RBFOX1: variants seen among roughly 807,000 people sequenced by gnomAD.
RBFOX1 encodes RNA binding protein fox-1 homolog 1.
RBFOX1 carries 8 observed loss-of-function variants against 57.7 expected under a neutral mutation model. That is an observed-to-expected ratio of 0.14 (90% CI 0.08 to 0.25). The LOEUF is 0.25. Among genes scored for constraint, RBFOX1 ranks in the 10% least tolerant of loss-of-function variants. RBFOX1 has a pLI of 1.00. For missense variants in RBFOX1, 611 were observed against 548.5 expected, an observed-to-expected ratio of 1.11 and a Z score of -1.14; for synonymous variants, 326 against 222.4, an observed-to-expected ratio of 1.47 and a Z score of -4.15.
chr16:6,947,296 C>T (rs1200777923), intron 3 of RBFOX1, among the ~76,000 whole-genome samples: 1 of 152,134 alleles, frequency 6.6e-6, no homozygotes, highest in African/African-American at 2.4e-5. Flanking sequence ...TAAGGTCACC[C>T]TTCCCACAGG....
At chr16:7,653,267 G>A (rs987415985) in intron 11 of RBFOX1, among the ~76,000 whole-genome samples, 1 of 152,080 alleles carries the variant, frequency 6.6e-6, no homozygotes, top group Non-Finnish European at 1.5e-5. Context: ...TTGGGAGGTG[G>A]AGACAGGAGG....
At position 6,164,683 on chromosome 16, in the gene RBFOX1, G is replaced by C. The variant is rs547826544; in HGVS notation, c.-127+144691G>C. Among the ~76,000 whole-genome samples, 5 of 151,738 alleles carry C rather than the reference G, an allele frequency of 3.3e-5. No homozygotes were observed. The East Asian group carries it at 9.7e-4, about 29-fold the overall frequency. ...TAGTAGAAATGGAGTTTTGCTATTT[G>C]GCCGGGCTGGTCTCGAATTTCTGAC... On this transcript the variant is annotated intron_variant, in intron 1 of 15. Coordinates refer to ENST00000550418, the MANE Select transcript of RBFOX1 (RefSeq NM_018723.4).
At chr16:5,948,401 C>A (rs2059448588) in intron 4 of RBFOX1, among the ~76,000 whole-genome samples, 1 of 152,118 alleles carries the variant, frequency 6.6e-6, no homozygotes, top group Non-Finnish European at 1.5e-5. Flanking sequence ...TCAGGCCCAC[C>A]ATAGATTGGG....
intron 1 of RBFOX1, among the ~76,000 whole-genome samples, chr16:6,275,788 T>A (rs1049436489): frequency 6.6e-6 from 1 of 152,216 alleles, no homozygotes; most frequent in African/African-American, 2.4e-5. Flanking sequence ...TTATTTTGTC[T>A]GCCAATTAGT....
At chr16:7,220,180 C>T (rs932778308) in intron 4 of RBFOX1, among the ~76,000 whole-genome samples, 39 of 152,206 alleles carry the variant, frequency 2.6e-4, no homozygotes, top group Admixed American at 1.2e-3. Flanking sequence ...GACAAAAGTG[C>T]AGGAGGAAAA....
intron 3 of RBFOX1, among the ~76,000 whole-genome samples, chr16:6,992,471 C>G (rs918571868): frequency 6.6e-6 from 1 of 152,092 alleles, no homozygotes; most frequent in Non-Finnish European, 1.5e-5. Context: ...GCCTTGGCCT[C>G]CCAAAGTGCT....
At chr16:6,277,509 C>T (rs797001521) in intron 1 of RBFOX1, among the ~76,000 whole-genome samples, 2 of 145,344 alleles carry the variant, frequency 1.4e-5, no homozygotes, top group African/African-American at 5.2e-5. Context: ...CAGAGGCTCA[C>T]ACCTTTTATC....
At chr16:7,369,314 C>G (rs1307475286) in intron 4 of RBFOX1, among the ~76,000 whole-genome samples, 4 of 152,140 alleles carry the variant, frequency 2.6e-5, no homozygotes, top group Non-Finnish European at 4.4e-5. Context: ...CCTGTTGTTG[C>G]ATGCTTCATC....
At chr16:6,222,862 C>A (rs1460029575) in intron 1 of RBFOX1, among the ~76,000 whole-genome samples, 1 of 151,974 alleles carries the variant, frequency 6.6e-6, no homozygotes, top group Non-Finnish European at 1.5e-5. Context: ...TACCCCCACC[C>A]CACAACAGTC....
At chr16:6,523,557 T>A (rs1021980180) in intron 2 of RBFOX1, among the ~76,000 whole-genome samples, 1 of 152,202 alleles carries the variant, frequency 6.6e-6, no homozygotes, top group African/African-American at 2.4e-5. Context: ...CTACTTACCC[T>A]TTTTTGACCT....
chr16:5,259,860 G>A (rs2062689678), intron 1 of RBFOX1, among the ~76,000 whole-genome samples: 1 of 152,116 alleles, frequency 6.6e-6, no homozygotes, highest in Admixed American at 6.5e-5. Flanking sequence ...CCACGTGGGG[G>A]CCATTCTGAC....
At chr16:5,686,591 G>T (rs1013632048) in intron 3 of RBFOX1, among the ~76,000 whole-genome samples, 2 of 151,866 alleles carry the variant, frequency 1.3e-5, no homozygotes, top group African/African-American at 4.8e-5. Context: ...TAAGATATTT[G>T]GTCTGGTGTT....
chr16:5,739,100 C>G (rs1482117778), intron 3 of RBFOX1, among the ~76,000 whole-genome samples: 1 of 152,196 alleles, frequency 6.6e-6, no homozygotes, highest in Non-Finnish European at 1.5e-5. Flanking sequence ...TATTGTCCTT[C>G]TTGGTTTAAG....
chr16:5,463,834 C>G lies in RBFOX1; in HGVS notation c.220-3382C>G, dbSNP rs187515749. On this transcript the variant is annotated intron_variant, in intron 1 of 2. Transcript: ENST00000585867. Reference sequence around the variant, plus strand: ...AAAAGAAATAATAAAAAAAAATCCACTTCATGGCAACAGCAAGATTACAAC... The same window carrying G: ...AAAAGAAATAATAAAAAAAAATCCAGTTCATGGCAACAGCAAGATTACAAC... Among the ~76,000 whole-genome samples, 275 of 151,654 alleles carry G rather than the reference C, an allele frequency of 1.8e-3. 1 individual carries two copies. Among genetic ancestry groups the G allele is most frequent in the Middle Eastern group, 6.8e-3 (2 of 292 alleles).
chr16:6,176,573 G>T (rs1238225267), intron 1 of RBFOX1, among the ~76,000 whole-genome samples: 9 of 152,046 alleles, frequency 5.9e-5, no homozygotes, highest in Non-Finnish European at 1.0e-4. Context: ...ATGATACCAT[G>T]TTTGCATCCC....
At chr16:6,681,371 C>G (rs1430706145) in intron 3 of RBFOX1, among the ~76,000 whole-genome samples, 3 of 152,160 alleles carry the variant, frequency 2.0e-5, no homozygotes, top group African/African-American at 4.8e-5. Flanking sequence ...TCTTTGCTAC[C>G]TTGGTTAAAA....
intron 14 of RBFOX1, among the ~76,000 whole-genome samples, chr16:7,677,132 T>TACACACACACACACACAGACACAC (rs2073535745): frequency 7.3e-6 from 1 of 137,862 alleles, no homozygotes; most frequent in Non-Finnish European, 1.6e-5. Context: ...CACATACACA[T>TACACACACACACACACAGACACAC]ACACACACAC....
chr16:6,915,789 T>C (rs1292727746), intron 3 of RBFOX1, among the ~76,000 whole-genome samples: 1 of 152,114 alleles, frequency 6.6e-6, no homozygotes, highest in East Asian at 1.9e-4. Context: ...TGTACTCAGG[T>C]GATCTGCCTG....
rs141965321 is a variant in RBFOX1, at chr16:5,648,262, C to T, written c.318+49301C>T. On this transcript the variant is annotated intron_variant, in intron 3 of 19. Coordinates refer to the RBFOX1 transcript ENST00000641259. Reference sequence around the variant, plus strand: ...GCTGTGTCAGAGGTTCTCAAGTTCTCGGAGCCTCAGTTTTCACATCTGGGC... The same window carrying T: ...GCTGTGTCAGAGGTTCTCAAGTTCTTGGAGCCTCAGTTTTCACATCTGGGC... Among the ~76,000 whole-genome samples, 331 of 152,296 alleles carry T rather than the reference C, an allele frequency of 2.2e-3. 1 individual carries two copies. Among genetic ancestry groups the T allele is most frequent in the Non-Finnish European group, 3.4e-3 (231 of 68,032 alleles).
Sources: allele counts gnomAD v4.1 joint callset (sites outside exome capture counted in the v4.1 genomes callset), GRCh38; gene constraint gnomAD v4.1.1; transcripts MANE v1.5; gene names NCBI Gene and HGNC (gene_info 2026-07-23, HGNC 2026-07-21).